Variants in SAV1 observed in about 807,000 individuals in gnomAD.
The protein encoded by SAV1 is protein salvador homolog 1.
A neutral mutation model predicts 47.3 loss-of-function variants in SAV1; 23 were observed. That is an observed-to-expected ratio of 0.49 (90% confidence interval 0.35 to 0.69). The LOEUF (loss-of-function observed/expected upper bound fraction) is 0.69. Among genes scored for constraint, SAV1 ranks in the 30% least tolerant of loss-of-function variants. The probability of loss-of-function intolerance (pLI) is 0.01; values close to 1 mark genes in which losing one functional copy is unlikely to be tolerated. For missense variants in SAV1, 448 were observed against 457.4 expected, an observed-to-expected ratio of 0.98 and a Z score of 0.19; for synonymous variants, 155 against 159.2, an observed-to-expected ratio of 0.97 and a Z score of 0.20.
At chr14:50,658,373 T>C (rs1291154161) in intron 2 of SAV1, among the ~76,000 whole-genome samples, 4 of 152,238 alleles carry the variant, frequency 2.6e-5, no homozygotes, top group Admixed American at 2.6e-4. Context: ...AACTAAAGAC[T>C]TCCTGTTAAC....
chr14:50,644,845 T>C lies in SAV1; in HGVS notation c.705A>G (p.Gly235=), dbSNP rs139519917. ...THWSHPLERE[G]LPPGWERVES... is the part of the protein sequence containing the mutation. ...CAACTCGTTCCCATCCAGGAGGAAG[T>C]CCTTCTCGCTCAAGAGGATGGCTCC... The change falls in exon 3 of 5, where the codon GGA becomes GGG. Residue 235 remains glycine, a synonymous_variant. Coordinates refer to ENST00000324679, the MANE Select transcript of SAV1 (RefSeq NM_021818.4). 1 of 1,614,048 alleles carries C rather than the reference T, an allele frequency of 6.2e-7. No homozygotes were observed. Among genetic ancestry groups the C allele is most frequent in the Non-Finnish European group, 8.5e-7 (1 of 1,180,018 alleles).
At chr14:50,636,376 T>C (rs1279390496) in intron 4 of SAV1, among the ~76,000 whole-genome samples, 1 of 152,112 alleles carries the variant, frequency 6.6e-6, no homozygotes, top group Non-Finnish European at 1.5e-5. Flanking sequence ...AACCCTCAAT[T>C]CGTGGCTCTA....
chr14:50,653,322 T>C lies in SAV1; in HGVS notation c.536-8308A>G, dbSNP rs957586520. 2.6e-5 allele frequency among the ~76,000 whole-genome samples: 4 copies of C among 152,210 alleles called. No individual in the cohort carries two copies. In the East Asian group the frequency reaches 7.7e-4, roughly 29 times the overall value. ...TGGCTAGGGTATCAATTCATCATTCTGAAATAGCAAACAAAGGAAAAGATC... is the reference window on the plus strand; with the variant it reads ...TGGCTAGGGTATCAATTCATCATTCCGAAATAGCAAACAAAGGAAAAGATC... On this transcript the variant is annotated intron_variant, in intron 2 of 4. Coordinates refer to ENST00000324679, the MANE Select transcript of SAV1 (RefSeq NM_021818.4).
At chr14:50,644,685 C>T in intron 3 of SAV1, 59 bp downstream of exon 3, 3 of 1,505,162 alleles carry the variant, frequency 2.0e-6, no homozygotes, top group African/African-American at 1.4e-5. Context: ...AATATCAGTT[C>T]AAAACCTAAC....
At position 50,668,000 on chromosome 14, in the gene SAV1, T is replaced by G. The variant is rs531564434; in HGVS notation, c.-33A>C. On this transcript the variant is annotated 5_prime_UTR_variant, in exon 1 of 5. Transcript: ENST00000324679. Reference sequence around the variant, plus strand: ...GACGAGGCCCGAGGCCGCGCTGAACTGCCTCCCTAGGGCTCCGCGCCGGGC... The same window carrying G: ...GACGAGGCCCGAGGCCGCGCTGAACGGCCTCCCTAGGGCTCCGCGCCGGGC... The G allele has an allele frequency of 6.3e-7, 1 of 1,577,242 alleles. No individual in the cohort carries two copies. The highest frequency in any genetic ancestry group is 2.3e-5 in the East Asian group (1 of 42,862).
At position 50,665,057 on chromosome 14, in the gene SAV1, A is replaced by C; in HGVS notation, c.535+122T>G. The stretch of plus-strand genomic sequence containing the variant: ...CACACAGGCTTAAGCAGGATGAGCA[A>C]AGTGGAAAAACATTTCGCTAGTAGT... On this transcript the variant is annotated intron_variant, in intron 2 of 4. Coordinates refer to ENST00000324679, the MANE Select transcript of SAV1 (RefSeq NM_021818.4). The C allele has an allele frequency of 7.3e-6, 10 of 1,367,038 alleles. No individual in the cohort carries two copies. In the South Asian group the frequency reaches 1.6e-4, roughly 22 times the overall value. 84.7% of individuals were successfully genotyped at this position (1,367,038 alleles called of 1,614,324 possible). A position where few individuals can be genotyped will look rare whatever the true frequency, so the allele number is the denominator to read the frequency against.
intron 2 of SAV1, chr14:50,664,238 C>T (rs368450804): frequency 7.9e-5 from 12 of 152,250 alleles, no homozygotes; most frequent in East Asian, 7.7e-4. Flanking sequence ...CCAAGGAAAA[C>T]GCTAGACACA....
chr14:50,665,655 C>T, intron 1 of SAV1, 36 bp from the exon 2 acceptor site: 1 of 1,502,244 alleles, frequency 6.7e-7, no homozygotes, highest in Non-Finnish European at 8.9e-7. Flanking sequence ...ACCCTTTCAT[C>T]ATTAAGTAAC....
chr14:50,665,027 A>G lies in SAV1; in HGVS notation c.535+152T>C. 8.0e-6 allele frequency: 8 copies of G among 995,456 alleles called. No individual in the cohort carries two copies. In the South Asian group the frequency reaches 1.0e-4, roughly 13 times the overall value. The allele number at this position is 995,456 out of a possible 1,614,324, so 61.7% of individuals were successfully genotyped here. A position where few individuals can be genotyped will look rare whatever the true frequency, so the allele number is the denominator to read the frequency against. ...TTCCATTCAGTGTAGATTAACAACT[A>G]TTTGCACACAGGCTTAAGCAGGATG... On this transcript the variant is annotated intron_variant, in intron 2 of 4. Transcript: ENST00000324679.
At chr14:50,653,425 TAAAG>T in intron 2 of SAV1, among the ~76,000 whole-genome samples, 1 of 152,242 alleles carries the variant, frequency 6.6e-6, no homozygotes, top group African/African-American at 2.4e-5. Flanking sequence ...TTCCAACTAA[TAAAG>T]AAGAAATGAC....
At chr14:50,647,782 C>T (rs1176443044) in intron 2 of SAV1, among the ~76,000 whole-genome samples, 2 of 152,084 alleles carry the variant, frequency 1.3e-5, no homozygotes, top group East Asian at 3.8e-4. Flanking sequence ...CCAAACAAAA[C>T]CTGACAATGC....
intron 2 of SAV1, chr14:50,662,369 G>C (rs28441486): frequency 3.3e-5 from 5 of 152,110 alleles, no homozygotes; most frequent in Non-Finnish European, 7.3e-5. Flanking sequence ...GGGTTTCACC[G>C]TGTTAGCCAG....
rs2039609608 is a variant in SAV1, at chr14:50,633,982, A to G, written c.*1201T>C. The G allele has an allele frequency of 4.4e-6, 1 of 226,330 alleles. No homozygotes were observed. The highest frequency in any genetic ancestry group is 9.5e-6 in the Non-Finnish European group (1 of 105,648). 14.0% of individuals were successfully genotyped at this position (226,330 alleles called of 1,614,324 possible). A position where few individuals can be genotyped will look rare whatever the true frequency, so the allele number is the denominator to read the frequency against. ...AACTGGGAGGGAAATATATGGTGTT[A>G]AAGTCCTGTGATAAATACTTAGAAA... On this transcript the variant is annotated 3_prime_UTR_variant, in exon 5 of 5. Coordinates refer to ENST00000324679, the MANE Select transcript of SAV1 (RefSeq NM_021818.4).
intron 4 of SAV1, among the ~76,000 whole-genome samples, chr14:50,638,951 T>G (rs1287808079): frequency 1.3e-5 from 2 of 152,134 alleles, no homozygotes; most frequent in Non-Finnish European, 2.9e-5. Flanking sequence ...GTATTTTTAG[T>G]AGATACAGAG....
chr14:50,638,192 A>G (rs1438767511), intron 4 of SAV1, among the ~76,000 whole-genome samples: 21 of 152,242 alleles, frequency 1.4e-4, no homozygotes. Flanking sequence ...TCTGCCTATA[A>G]TCACCTAAGT....
chr14:50,650,734 T>C (rs1038003021), intron 2 of SAV1, among the ~76,000 whole-genome samples: 1 of 152,120 alleles, frequency 6.6e-6, no homozygotes, highest in Non-Finnish European at 1.5e-5. Context: ...TAGAAGCGGA[T>C]CTTTTGGCCG....
chr14:50,666,701 C>T (rs1422252644), intron 1 of SAV1, among the ~76,000 whole-genome samples: 1 of 151,380 alleles, frequency 6.6e-6, no homozygotes, highest in Non-Finnish European at 1.5e-5. Context: ...GTCTGATAAA[C>T]TTTATTTGCA....
At chr14:50,643,950 A>G (rs986306972) in intron 3 of SAV1, among the ~76,000 whole-genome samples, 7 of 152,380 alleles carry the variant, frequency 4.6e-5, no homozygotes, top group African/African-American at 1.7e-4. Context: ...AGCAACATTT[A>G]TCAAAATGCA....
chr14:50,645,005 C>T lies in SAV1; in HGVS notation c.545G>A (p.Arg182Lys). The T allele has an allele frequency of 6.2e-7, 1 of 1,608,276 alleles. No homozygotes were observed. The highest frequency in any genetic ancestry group is 8.5e-7 in the Non-Finnish European group (1 of 1,179,058). ...NQGRHASGIGRVAATSLGNLT... is the reference protein window; with the variant it reads ...NQGRHASGIGKVAATSLGNLT... The stretch of plus-strand genomic sequence containing the variant: ...ATTTCCTAAAGATGTAGCAGCAACT[C>T]TCCCAATACCTACGGGGAAAGAGAA... The change falls in exon 3 of 5, where the codon AGA becomes AAA. Residue 182 changes from arginine to lysine, a missense_variant. Arg to Lys is a conservative substitution (Grantham distance 26, BLOSUM62 2). Coordinates refer to ENST00000324679, the MANE Select transcript of SAV1 (RefSeq NM_021818.4).
Sources: gnomAD v4.1 joint callset for allele counts (sites outside exome capture counted in the v4.1 genomes callset) on GRCh38, gnomAD v4.1.1 for gene constraint, MANE v1.5 for transcripts, NCBI Gene and HGNC (gene_info 2026-07-23, HGNC 2026-07-21) for gene names.